ZGRF1: variants seen among roughly 807,000 people sequenced by gnomAD.
ZGRF1 encodes the protein 5'-3' DNA helicase ZGRF1.
Under a neutral mutation model 203.5 loss-of-function variants are expected in ZGRF1, and 196 were observed. The observed-to-expected ratio is 0.96, with a 90% confidence interval of 0.86 to 1.08. The LOEUF (loss-of-function observed/expected upper bound fraction) is 1.08, where lower values mean the gene tolerates loss of function less well. Ranked by LOEUF, ZGRF1 falls within the 50% of genes least tolerant of loss-of-function variation. The pLI is 0.00. For missense variants in ZGRF1, 2,326 were observed against 2,416.3 expected (o/e 0.96, Z 0.78); for synonymous variants, 809 against 841.3 (o/e 0.96, Z 0.66).
rs781004082 is a variant in ZGRF1 at position 112,618,038 on chromosome 4, T to C, written c.2004A>G (p.Glu668=). 16 of 1,613,214 alleles carry C rather than the reference T, an allele frequency of 9.9e-6. No individual in the cohort carries two copies. In the Admixed American group the frequency reaches 1.7e-4, roughly 17 times the overall value. ...NKEDANKPIQ[E]VRINYDFALP... is the part of the protein sequence containing the mutation. ...AAGCAAAATCATAGTTAATTCTGAC[T>C]TCTTGAATAGGTTTATTAGCATCTT... is the stretch of plus-strand genomic sequence containing the variant. The change falls in exon 6 of 28, where the codon GAA becomes GAG. Residue 668 remains glutamate, a synonymous_variant. Coordinates refer to ENST00000505019, the MANE Select transcript of ZGRF1 (RefSeq NM_018392.5).
intron 3 of ZGRF1, among the ~76,000 whole-genome samples, chr4:112,629,237 A>G (rs112725851): frequency 2.5e-4 from 38 of 152,374 alleles, no homozygotes; most frequent in South Asian, 6.2e-4. Context: ...TCAACGTGAA[A>G]GTACCCTGTA....
chr4:112,614,681 G>T (rs969212051), intron 6 of ZGRF1, among the ~76,000 whole-genome samples: 1 of 152,170 alleles, frequency 6.6e-6, no homozygotes, highest in African/African-American at 2.4e-5. Context: ...ACAAAAATTA[G>T]TTGGGTGTGG....
chr4:112,619,008 C>T lies in ZGRF1; in HGVS notation c.1034G>A (p.Gly345Glu), dbSNP rs1468640710. 3.7e-6 allele frequency: 6 copies of T among 1,613,672 alleles called. No individual in the cohort carries two copies. The highest frequency in any genetic ancestry group is 5.1e-6 in the Non-Finnish European group (6 of 1,179,856). Reference protein sequence around the residue: ...SSPIHSSTVDGNDTERKPKAQ... With the variant: ...SSPIHSSTVDENDTERKPKAQ... ...CTTGGGTTTCCTTTCTGTATCATTC[C>T]CATCTACAGTAGAAGAATGTATAGG... is the stretch of plus-strand genomic sequence containing the variant. The change falls in exon 6 of 28, where the codon GGG becomes GAG. Residue 345 changes from glycine to glutamate, a missense_variant. Transcript: ENST00000505019.
At chr4:112,620,247 C>T in intron 4 of ZGRF1, 57 bp from the exon 5 acceptor site, 1 of 1,412,904 alleles carries the variant, frequency 7.1e-7, no homozygotes, top group Non-Finnish European at 9.7e-7. Flanking sequence ...TCTATGTATT[C>T]CAGGATGCTC....
intron 11 of ZGRF1, 68 bp from the exon 12 acceptor site, chr4:112,587,997 A>T: frequency 4.8e-6 from 6 of 1,257,422 alleles, no homozygotes; most frequent in Non-Finnish European, 6.4e-6. Flanking sequence ...TCTAGAAAAC[A>T]GTGGGTATAC....
chr4:112,559,153 A>G (rs1232540188), intron 19 of ZGRF1, among the ~76,000 whole-genome samples: 1 of 152,226 alleles, frequency 6.6e-6, no homozygotes, highest in East Asian at 1.9e-4. Context: ...TTTATCTTAA[A>G]GGCCAGCAGA....
rs1045657241 is a variant in ZGRF1 at position 112,618,069 on chromosome 4, T to C, written c.1973A>G (p.Asn658Ser). ...FKWTDAVYGD[N>S]KEDANKPIQE... Reference sequence around the variant, plus strand: ...AATAGGTTTATTAGCATCTTCTTTATTATCTCCGTATACAGCATCAGTCCA... The same window carrying C: ...AATAGGTTTATTAGCATCTTCTTTACTATCTCCGTATACAGCATCAGTCCA... The change falls in exon 6 of 28, where the codon AAT becomes AGT. Residue 658 changes from asparagine to serine, a missense_variant. Transcript: ENST00000505019. The C allele has an allele frequency of 1.9e-6, 3 of 1,613,722 alleles. No homozygotes were observed. Among genetic ancestry groups the C allele is most frequent in the Non-Finnish European group, 2.5e-6 (3 of 1,179,912 alleles).
At chr4:112,550,483 CTAAAGT>C (rs1260414602) in intron 22 of ZGRF1, among the ~76,000 whole-genome samples, 1 of 152,004 alleles carries the variant, frequency 6.6e-6, no homozygotes, top group African/African-American at 2.4e-5. Flanking sequence ...TTATAATAAG[CTAAAGT>C]TAATTTATTA....
intron 22 of ZGRF1, 122 bp from the exon 23 acceptor site, chr4:112,548,502 A>T (rs957771125): frequency 7.3e-6 from 5 of 684,414 alleles, no homozygotes; most frequent in African/African-American, 5.4e-5. Flanking sequence ...ATTCCTAGCC[A>T]TCAGAAATCT....
At chr4:112,553,712 G>A in intron 22 of ZGRF1, 123 bp downstream of exon 22, 1 of 819,684 alleles carries the variant, frequency 1.2e-6, no homozygotes. Context: ...ATGCACCTTA[G>A]TAGAATATAA....
chr4:112,634,900 G>T (rs1171332806), intron 1 of ZGRF1, among the ~76,000 whole-genome samples: 1 of 152,046 alleles, frequency 6.6e-6, no homozygotes, highest in Admixed American at 6.5e-5. Flanking sequence ...GGGAGGCCAT[G>T]GCGGGTGGAT....
intron 16 of ZGRF1, chr4:112,565,193 A>G: frequency 6.4e-7 from 1 of 1,554,382 alleles, no homozygotes; most frequent in Non-Finnish European, 8.9e-7. Flanking sequence ...CTTCCCTTCC[A>G]GCGTCTGGTG....
Position 112,618,047 on chromosome 4 carries a change from A to G in ZGRF1, c.1995T>C (p.Pro665=), listed in dbSNP as rs2046942777. 5 of 1,613,310 alleles carry G rather than the reference A, an allele frequency of 3.1e-6. No homozygotes were observed. The East Asian group carries it at 1.1e-4, about 36-fold the overall frequency. ...CATAGTTAATTCTGACTTCTTGAATAGGTTTATTAGCATCTTCTTTATTAT... is the reference window on the plus strand; with the variant it reads ...CATAGTTAATTCTGACTTCTTGAATGGGTTTATTAGCATCTTCTTTATTAT... ...YGDNKEDANK[P]IQEVRINYDF... The change falls in exon 6 of 28, where the codon CCT becomes CCC. Residue 665 remains proline (P), a synonymous_variant. Transcript: ENST00000505019.
chr4:112,628,781 A>G (rs2149203105), intron 3 of ZGRF1: 1 of 442,630 alleles, frequency 2.3e-6, no homozygotes, highest in South Asian at 1.6e-5. Context: ...GAACCAGAAG[A>G]CAACACAAAG....
At chr4:112,606,728 T>C (rs562746661) in intron 8 of ZGRF1, among the ~76,000 whole-genome samples, 1 of 151,654 alleles carries the variant, frequency 6.6e-6, no homozygotes, top group South Asian at 2.1e-4. Context: ...CCTAATACTA[T>C]GTTAATGCAG....
chr4:112,543,914 G>A (rs1300230334), intron 24 of ZGRF1, among the ~76,000 whole-genome samples: 1 of 152,126 alleles, frequency 6.6e-6, no homozygotes. Flanking sequence ...TGTTGAACTC[G>A]TGACCTCAAG....
At chr4:112,622,182 T>C (rs1453940443) in intron 4 of ZGRF1, among the ~76,000 whole-genome samples, 1 of 151,950 alleles carries the variant, frequency 6.6e-6, no homozygotes, top group African/African-American at 2.4e-5. Flanking sequence ...TGGCCAAAAA[T>C]CAACATCGTC....
At chr4:112,563,958 C>T (rs1417930652) in intron 16 of ZGRF1, among the ~76,000 whole-genome samples, 1 of 152,088 alleles carries the variant, frequency 6.6e-6, no homozygotes, top group East Asian at 1.9e-4. Flanking sequence ...AATCATTGCC[C>T]AAAGGCCCCA....
chr4:112,610,392 G>A (rs767603239), intron 7 of ZGRF1, among the ~76,000 whole-genome samples: 3 of 151,850 alleles, frequency 2.0e-5, no homozygotes, highest in Non-Finnish European at 2.9e-5. Context: ...CAAACATGGC[G>A]AAACCCCATC....
Sources: allele counts gnomAD v4.1 joint callset (sites outside exome capture counted in the v4.1 genomes callset), GRCh38; gene constraint gnomAD v4.1.1; transcripts MANE v1.5; gene names NCBI Gene and HGNC (gene_info 2026-07-23, HGNC 2026-07-21).